The following NR6A1 variants were observed in gnomAD, a reference collection of about 807,000 sequenced individuals.
NR6A1 encodes nuclear receptor subfamily 6 group A member 1.
A neutral mutation model predicts 59.1 loss-of-function variants in NR6A1; 7 were observed. That is an observed-to-expected ratio of 0.12 (90% CI 0.07 to 0.22). The LOEUF is 0.22. Among genes scored for constraint, NR6A1 ranks in the 10% least tolerant of loss-of-function variants. NR6A1 has a pLI of 1.00. For missense variants in NR6A1, 468 were observed against 611.6 expected (o/e 0.77, Z 2.48); for synonymous variants, 243 against 236.1 (o/e 1.03, Z -0.27).
At chr9:124,585,502 C>T (rs1834894128) in intron 2 of NR6A1, among the ~76,000 whole-genome samples, 1 of 143,798 alleles carries the variant, frequency 7.0e-6, no homozygotes, top group African/African-American at 2.6e-5. Flanking sequence ...CGAGATCACG[C>T]CACTGCACTC....
chr9:124,585,180 G>T (rs1327887105), intron 2 of NR6A1, among the ~76,000 whole-genome samples: 1 of 152,172 alleles, frequency 6.6e-6, no homozygotes, highest in Admixed American at 6.5e-5. Context: ...AGCTGCAGAA[G>T]AAAGGTTTGA....
rs560521333 is a variant in NR6A1 at position 124,594,501 on chromosome 9, G to A, written c.143-39931C>T. ...CCAGCTCCTAAACTCCTGTCCAACAGATCCAAAGCAAATCTTACTTCTTAA... is the reference window on the plus strand; with the variant it reads ...CCAGCTCCTAAACTCCTGTCCAACAAATCCAAAGCAAATCTTACTTCTTAA... On this transcript the variant is annotated intron_variant, in intron 2 of 9. Coordinates refer to ENST00000487099, the MANE Select transcript of NR6A1 (RefSeq NM_033334.4). 4.6e-5 allele frequency among the ~76,000 whole-genome samples: 7 copies of A among 152,278 alleles called. 1 individual carries two copies. Among genetic ancestry groups the A allele is most frequent in the African/African-American group, 1.7e-4 (7 of 41,540 alleles).
intron 2 of NR6A1, among the ~76,000 whole-genome samples, chr9:124,627,438 C>T (rs1836278047): frequency 6.6e-6 from 1 of 152,128 alleles, no homozygotes. Flanking sequence ...TCTAAGAAAA[C>T]AAAAAGCACT....
intron 2 of NR6A1, among the ~76,000 whole-genome samples, chr9:124,628,954 C>A (rs1836340156): frequency 6.6e-6 from 1 of 152,250 alleles, no homozygotes; most frequent in Non-Finnish European, 1.5e-5. Flanking sequence ...GCCACCGCCC[C>A]CGGCCCTGGC....
At position 124,519,530 on chromosome 9, in the gene NR6A1, G is replaced by C. The variant is rs1330676811; in HGVS notation, c.*3175C>G. ...AAAAAGGAGAGGGAGGGAAAGGCTT[G>C]CATGTTTCAATGTAGTGCAAGGAGG... On this transcript the variant is annotated 3_prime_UTR_variant, in exon 10 of 10. Transcript: ENST00000487099. The C allele has an allele frequency of 6.6e-6, 1 of 152,142 alleles. No homozygotes were observed. Among genetic ancestry groups the C allele is most frequent in the Non-Finnish European group, 1.5e-5 (1 of 68,030 alleles). 9.4% of individuals were successfully genotyped at this position (152,142 alleles called of 1,614,324 possible). A position where few individuals can be genotyped will look rare whatever the true frequency, so the allele number is the denominator to read the frequency against.
At chr9:124,641,072 C>T (rs1220510834) in intron 2 of NR6A1, among the ~76,000 whole-genome samples, 1 of 152,128 alleles carries the variant, frequency 6.6e-6, no homozygotes, top group African/African-American at 2.4e-5. Flanking sequence ...CACAAAGTCG[C>T]CGGGTGCAGT....
intron 2 of NR6A1, among the ~76,000 whole-genome samples, chr9:124,587,428 A>G (rs111439002): frequency 0.026 from 3,931 of 152,234 alleles, 81 homozygotes; most frequent in Non-Finnish European, 0.038. Context: ...CAGCCCAGAG[A>G]CCTTGTGCCA....
chr9:124,704,284 T>C (rs985630708), intron 2 of NR6A1, among the ~76,000 whole-genome samples: 17 of 152,352 alleles, frequency 1.1e-4, no homozygotes, highest in Middle Eastern at 3.4e-3. Context: ...TTTATCAAAT[T>C]TGTCGATCTT....
At chr9:124,630,678 T>TC (rs978733763) in intron 2 of NR6A1, among the ~76,000 whole-genome samples, 2 of 134,580 alleles carry the variant, frequency 1.5e-5, no homozygotes, top group Non-Finnish European at 3.1e-5. Flanking sequence ...TTCTTTTTTT[T>TC]TTTTTTTTTT....
intron 2 of NR6A1, among the ~76,000 whole-genome samples, chr9:124,605,931 G>C (rs1835564970): frequency 6.6e-6 from 1 of 152,108 alleles, no homozygotes; most frequent in South Asian, 2.1e-4. Context: ...CTTCCTTTAT[G>C]GGTATGTCTT....
chr9:124,634,725 G>A (rs546907723), intron 2 of NR6A1, among the ~76,000 whole-genome samples: 154 of 152,148 alleles, frequency 1.0e-3, no homozygotes, highest in Non-Finnish European at 1.8e-3. Context: ...AGGAGGCTGA[G>A]GCAGGAGAAT....
intron 2 of NR6A1, among the ~76,000 whole-genome samples, chr9:124,560,397 C>T (rs1390288924): frequency 6.6e-6 from 1 of 152,086 alleles, no homozygotes; most frequent in African/African-American, 2.4e-5. Flanking sequence ...TATATTATTT[C>T]TTCCATCTCC....
chr9:124,613,511 A>T (rs1835811487), intron 2 of NR6A1, among the ~76,000 whole-genome samples: 1 of 151,822 alleles, frequency 6.6e-6, no homozygotes, highest in Non-Finnish European at 1.5e-5. Context: ...AAACACAAAA[A>T]TTAGCCAGGC....
chr9:124,740,191 C>T (rs1840136225), intron 1 of NR6A1, among the ~76,000 whole-genome samples: 1 of 152,168 alleles, frequency 6.6e-6, no homozygotes, highest in Admixed American at 6.5e-5. Flanking sequence ...TCCACCTGAG[C>T]CCACCTTTAC....
chr9:124,720,774 T>C (rs1564253298), intron 2 of NR6A1, among the ~76,000 whole-genome samples: 1 of 152,092 alleles, frequency 6.6e-6, no homozygotes, highest in Non-Finnish European at 1.5e-5. Flanking sequence ...ATGTGAGATA[T>C]TTAGAAAAAA....
chr9:124,533,008 G>C (rs528707317), intron 7 of NR6A1, among the ~76,000 whole-genome samples: 10 of 152,308 alleles, frequency 6.6e-5, no homozygotes, highest in African/African-American at 2.4e-4. Context: ...TGGGGCTTAA[G>C]GGACTGGCTA....
chr9:124,642,019 A>T (rs1366667386), intron 2 of NR6A1, among the ~76,000 whole-genome samples: 1 of 151,942 alleles, frequency 6.6e-6, no homozygotes, highest in African/African-American at 2.4e-5. Context: ...TATCACTACC[A>T]CTTAACAGCT....
At chr9:124,544,510 T>C (rs1026532046) in intron 3 of NR6A1, among the ~76,000 whole-genome samples, 1 of 152,158 alleles carries the variant, frequency 6.6e-6, no homozygotes, top group Non-Finnish European at 1.5e-5. Flanking sequence ...TGATTTGCAA[T>C]TATAGTAGGA....
At chr9:124,756,342 T>C (rs1840629702) in intron 1 of NR6A1, among the ~76,000 whole-genome samples, 1 of 152,234 alleles carries the variant, frequency 6.6e-6, no homozygotes, top group Non-Finnish European at 1.5e-5. Flanking sequence ...ATAAAACCTA[T>C]CTTGGCAAAT....
Sources: gnomAD v4.1 joint callset for allele counts (sites outside exome capture counted in the v4.1 genomes callset) on GRCh38, gnomAD v4.1.1 for gene constraint, MANE v1.5 for transcripts, NCBI Gene and HGNC (gene_info 2026-07-23, HGNC 2026-07-21) for gene names.